SGCZ: variants seen among roughly 807,000 people sequenced by gnomAD.
SGCZ encodes the protein sarcoglycan zeta.
SGCZ carries 40 observed loss-of-function variants against 41.3 expected under a neutral mutation model. The ratio of observed to expected loss-of-function variants is 0.97; its 90% CI spans 0.75 to 1.26. SGCZ has a LOEUF of 1.26. Ranked by LOEUF, SGCZ falls within the 50% of genes most tolerant of loss-of-function variation. The pLI is 0.00. For missense variants in SGCZ, 552 were observed against 369.8 expected (o/e 1.49, Z -4.04); for synonymous variants, 206 against 137.5 (o/e 1.50, Z -3.49).
At chr8:14,927,854 T>A (rs1799805114) in intron 1 of SGCZ, among the ~76,000 whole-genome samples, 1 of 152,138 alleles carries the variant, frequency 6.6e-6, no homozygotes, top group Non-Finnish European at 1.5e-5. Flanking sequence ...AGTACCAAGA[T>A]TTCCCTACCC....
intron 1 of SGCZ, among the ~76,000 whole-genome samples, chr8:15,057,702 C>T (rs1327463655): frequency 6.6e-6 from 1 of 152,184 alleles, no homozygotes; most frequent in Non-Finnish European, 1.5e-5. Flanking sequence ...TAGATGACAG[C>T]TAAATAATTA....
chr8:14,809,678 A>G (rs1399654055), intron 1 of SGCZ, among the ~76,000 whole-genome samples: 1 of 152,176 alleles, frequency 6.6e-6, no homozygotes. Context: ...AAATTCATGC[A>G]TCTATAATTT....
chr8:14,420,356 T>C (rs944318756), intron 2 of SGCZ, among the ~76,000 whole-genome samples: 3 of 152,098 alleles, frequency 2.0e-5, no homozygotes, highest in South Asian at 2.1e-4. Context: ...CTATTCACAA[T>C]TGCCCCATTG....
chr8:14,221,200 T>G (rs757538082), intron 4 of SGCZ, among the ~76,000 whole-genome samples: 3 of 152,240 alleles, frequency 2.0e-5, no homozygotes, highest in Non-Finnish European at 4.4e-5. Flanking sequence ...TATGTGTATG[T>G]GTGTGTAAAA....
At chr8:15,000,134 A>C (rs1399920739) in intron 1 of SGCZ, among the ~76,000 whole-genome samples, 1 of 152,144 alleles carries the variant, frequency 6.6e-6, no homozygotes, top group Non-Finnish European at 1.5e-5. Flanking sequence ...CTGACAAAGA[A>C]AAAATCATAT....
chr8:14,778,659 G>A (rs1407490430), intron 1 of SGCZ, among the ~76,000 whole-genome samples: 2 of 152,236 alleles, frequency 1.3e-5, no homozygotes, highest in East Asian at 3.9e-4. Context: ...AGAAAACTGG[G>A]CAAAGGACAT....
chr8:14,901,180 T>C (rs1798954496), intron 1 of SGCZ, among the ~76,000 whole-genome samples: 1 of 152,210 alleles, frequency 6.6e-6, no homozygotes, highest in Non-Finnish European at 1.5e-5. Flanking sequence ...TTGCAACTTT[T>C]AGTTGGGAGA....
intron 2 of SGCZ, among the ~76,000 whole-genome samples, chr8:14,547,217 C>T (rs1461776690): frequency 1.3e-5 from 2 of 152,080 alleles, no homozygotes; most frequent in African/African-American, 4.8e-5. Context: ...CACAGAAATT[C>T]CAATTTATTA....
At chr8:14,613,604 A>G (rs1201164969) in intron 1 of SGCZ, among the ~76,000 whole-genome samples, 2 of 152,172 alleles carry the variant, frequency 1.3e-5, no homozygotes, top group African/African-American at 4.8e-5. Flanking sequence ...ATCCTTCTAA[A>G]TTTCAGAGCA....
At chr8:14,855,330 G>A (rs757122870) in intron 1 of SGCZ, among the ~76,000 whole-genome samples, 10 of 152,100 alleles carry the variant, frequency 6.6e-5, no homozygotes, top group South Asian at 4.1e-4. Flanking sequence ...GATTTCAGGC[G>A]TGAGCCACTG....
At chr8:14,222,210 G>T (rs1450763357) in intron 4 of SGCZ, among the ~76,000 whole-genome samples, 3 of 151,854 alleles carry the variant, frequency 2.0e-5, no homozygotes, top group African/African-American at 7.3e-5. Flanking sequence ...TTGCTCTGTT[G>T]CTCAGGCTGG....
chr8:14,180,599 C>G (rs1284978825), intron 4 of SGCZ, among the ~76,000 whole-genome samples: 1 of 152,040 alleles, frequency 6.6e-6, no homozygotes, highest in Non-Finnish European at 1.5e-5. Flanking sequence ...CAGTACTGTT[C>G]CAGGAGTGCT....
At chr8:14,550,162 G>A (rs1251341518) in intron 2 of SGCZ, among the ~76,000 whole-genome samples, 1 of 151,858 alleles carries the variant, frequency 6.6e-6, no homozygotes, top group Non-Finnish European at 1.5e-5. Flanking sequence ...AAACAACTTA[G>A]GAGAAGAGAT....
chr8:14,533,780 G>C (rs1474599985), intron 2 of SGCZ, among the ~76,000 whole-genome samples: 1 of 151,858 alleles, frequency 6.6e-6, no homozygotes, highest in Non-Finnish European at 1.5e-5. Flanking sequence ...CTCCAAACAA[G>C]AATAATTATT....
intron 1 of SGCZ, among the ~76,000 whole-genome samples, chr8:15,046,166 C>T (rs1348230389): frequency 6.6e-6 from 1 of 151,956 alleles, no homozygotes; most frequent in African/African-American, 2.4e-5. Context: ...GTTTTTTAAA[C>T]TAAAGCAATG....
At chr8:14,873,902 C>G (rs1804254369) in intron 1 of SGCZ, among the ~76,000 whole-genome samples, 1 of 152,078 alleles carries the variant, frequency 6.6e-6, no homozygotes, top group South Asian at 2.1e-4. Context: ...TAGGCTTCTT[C>G]TTGGAAGTGG....
chr8:14,669,802 A>G (rs573431457), intron 1 of SGCZ, among the ~76,000 whole-genome samples: 1 of 151,970 alleles, frequency 6.6e-6, no homozygotes, highest in Non-Finnish European at 1.5e-5. Flanking sequence ...ACTATGTTGA[A>G]ATGGGAGTGC....
At chr8:14,705,676 T>C (rs999212027) in intron 1 of SGCZ, among the ~76,000 whole-genome samples, 1 of 152,096 alleles carries the variant, frequency 6.6e-6, no homozygotes, top group Non-Finnish European at 1.5e-5. Flanking sequence ...GAGTCATTGA[T>C]GTCTTCAGAT....
chr8:14,665,518 A>T (rs1342026385), intron 1 of SGCZ, among the ~76,000 whole-genome samples: 1 of 152,170 alleles, frequency 6.6e-6, no homozygotes, highest in Non-Finnish European at 1.5e-5. Context: ...TCCTTTGGGT[A>T]TATACCCAGT....
Sources: allele counts gnomAD v4.1 joint callset (sites outside exome capture counted in the v4.1 genomes callset), GRCh38; gene constraint gnomAD v4.1.1; transcripts MANE v1.5; gene names NCBI Gene and HGNC (gene_info 2026-07-23, HGNC 2026-07-21).